Variants in EXOC4 observed in about 807,000 individuals in gnomAD.
EXOC4 encodes SEC8-like 1.
Under a neutral mutation model 107.2 loss-of-function variants are expected in EXOC4, and 71 were observed. The ratio of observed to expected loss-of-function variants is 0.66; its 90% CI spans 0.55 to 0.81. The LOEUF (loss-of-function observed/expected upper bound fraction) is 0.81. Ranked by LOEUF, EXOC4 falls within the 30% of genes least tolerant of loss-of-function variation. The pLI is 0.00. For synonymous variants in EXOC4, 456 were observed against 441.2 expected (o/e 1.03, Z -0.42); for missense variants, 1,108 against 1,189.6 (o/e 0.93, Z 1.01).
intron 7 of EXOC4, among the ~76,000 whole-genome samples, chr7:133,425,348 C>T (rs949601753): frequency 7.2e-5 from 11 of 152,212 alleles, no homozygotes; most frequent in Non-Finnish European, 8.8e-5. Flanking sequence ...AGTGCAATGG[C>T]GCAATCTTGG....
chr7:133,944,542 C>G (rs1302395809), intron 14 of EXOC4, among the ~76,000 whole-genome samples: 1 of 152,114 alleles, frequency 6.6e-6, no homozygotes, highest in Admixed American at 6.5e-5. Context: ...GACTTTGTGC[C>G]TCCAATTTGT....
At chr7:134,072,601 G>C in the EXOC4 span, among the ~76,000 whole-genome samples, 3 of 152,150 alleles carry the variant, frequency 2.0e-5, no homozygotes, top group African/African-American at 4.8e-5. Flanking sequence ...TGCTTAAACT[G>C]TTCGCTATGC....
chr7:133,597,193 T>C (rs1801693796), intron 9 of EXOC4, among the ~76,000 whole-genome samples: 1 of 152,192 alleles, frequency 6.6e-6, no homozygotes, highest in African/African-American at 2.4e-5. Flanking sequence ...CTCTACAAGA[T>C]GGACCTTTCC....
Position 133,633,418 on chromosome 7 carries a change from C to T in EXOC4, c.1514+3277C>T, listed in dbSNP as rs192046999. 4.6e-5 allele frequency among the ~76,000 whole-genome samples: 7 copies of T among 152,124 alleles called. No homozygotes were observed. In the East Asian group the frequency reaches 1.4e-3, roughly 29 times the overall value. ...ATTATTCTATATTTATAACTTAGCT[C>T]ATATTAAAAAATAAGTTTGGCTGGG... On this transcript the variant is annotated intron_variant, in intron 10 of 17. Coordinates refer to ENST00000253861, the MANE Select transcript of EXOC4 (RefSeq NM_021807.4).
chr7:133,553,207 T>C (rs1374377217), intron 9 of EXOC4, among the ~76,000 whole-genome samples: 2 of 152,202 alleles, frequency 1.3e-5, no homozygotes, highest in African/African-American at 4.8e-5. Flanking sequence ...GTGATATACA[T>C]ATAAAGGGTA....
chr7:133,515,040 A>C (rs1041113002), intron 9 of EXOC4, among the ~76,000 whole-genome samples: 1 of 152,174 alleles, frequency 6.6e-6, no homozygotes, highest in Non-Finnish European at 1.5e-5. Context: ...TTAATGTCAA[A>C]ATAACAATTT....
intron 10 of EXOC4, among the ~76,000 whole-genome samples, chr7:133,764,357 C>G (rs924029849): frequency 6.6e-6 from 1 of 151,974 alleles, no homozygotes; most frequent in Non-Finnish European, 1.5e-5. Flanking sequence ...TAATCCAAAT[C>G]GTCAAAATAT....
At chr7:134,091,984 A>G in the EXOC4 span, among the ~76,000 whole-genome samples, 1 of 152,200 alleles carries the variant, frequency 6.6e-6, no homozygotes, top group Non-Finnish European at 1.5e-5. Flanking sequence ...TCCCCAATAT[A>G]TCTCTTTATA....
intron 10 of EXOC4, among the ~76,000 whole-genome samples, chr7:133,782,352 A>T (rs1302688664): frequency 1.3e-5 from 2 of 152,194 alleles, no homozygotes; most frequent in African/African-American, 4.8e-5. Flanking sequence ...TTGGTTTTAT[A>T]AAGTTCTTGG....
intron 7 of EXOC4, among the ~76,000 whole-genome samples, chr7:133,437,435 C>T (rs191420053): frequency 3.3e-5 from 5 of 152,124 alleles, no homozygotes; most frequent in Non-Finnish European, 7.4e-5. Flanking sequence ...ATCTGGTGAT[C>T]ACTTACTATT....
At chr7:133,763,754 G>A (rs1796081408) in intron 10 of EXOC4, among the ~76,000 whole-genome samples, 1 of 151,506 alleles carries the variant, frequency 6.6e-6, no homozygotes, top group African/African-American at 2.4e-5. Context: ...GGAAATTATA[G>A]TTTTTGTTTT....
At chr7:134,032,665 A>G (rs948855717) in intron 17 of EXOC4, among the ~76,000 whole-genome samples, 1 of 152,170 alleles carries the variant, frequency 6.6e-6, no homozygotes, top group African/African-American at 2.4e-5. Context: ...TGGGGACTCA[A>G]AAAATTCTGT....
chr7:134,091,153 A>G, the EXOC4 span, among the ~76,000 whole-genome samples: 1 of 152,144 alleles, frequency 6.6e-6, no homozygotes, highest in Non-Finnish European at 1.5e-5. Flanking sequence ...AAATTCAGGG[A>G]GAGTCCACAG....
At chr7:133,384,035 T>C (rs1796674316) in intron 7 of EXOC4, among the ~76,000 whole-genome samples, 1 of 152,176 alleles carries the variant, frequency 6.6e-6, no homozygotes, top group African/African-American at 2.4e-5. Flanking sequence ...GGACTCTCCC[T>C]GTGTTGTTTT....
At chr7:133,806,701 C>T (rs756218720) in intron 10 of EXOC4, among the ~76,000 whole-genome samples, 2 of 152,066 alleles carry the variant, frequency 1.3e-5, no homozygotes, top group Non-Finnish European at 2.9e-5. Flanking sequence ...TGTTGGATAG[C>T]GTGATGAAGT....
At chr7:133,859,633 A>G (rs1798490739) in intron 11 of EXOC4, among the ~76,000 whole-genome samples, 1 of 152,186 alleles carries the variant, frequency 6.6e-6, no homozygotes, top group South Asian at 2.1e-4. Flanking sequence ...CTTTCATGCC[A>G]TCCTTGAACA....
intron 6 of EXOC4, among the ~76,000 whole-genome samples, chr7:133,369,871 A>ATTTCGCAG (rs1468834205): frequency 1.4e-5 from 2 of 144,616 alleles, no homozygotes; most frequent in Admixed American, 7.1e-5. Context: ...CAATGGCGCA[A>ATTTCGCAG]TTTGGCTCAC....
intron 10 of EXOC4, among the ~76,000 whole-genome samples, chr7:133,750,736 T>G (rs933890001): frequency 3.3e-5 from 5 of 152,056 alleles, no homozygotes; most frequent in Non-Finnish European, 5.9e-5. Flanking sequence ...CACACCACCA[T>G]GCCCAAATAA....
At chr7:133,723,708 C>A (rs966474249) in intron 10 of EXOC4, among the ~76,000 whole-genome samples, 1 of 152,120 alleles carries the variant, frequency 6.6e-6, no homozygotes, top group Non-Finnish European at 1.5e-5. Flanking sequence ...TTGGGCTGTA[C>A]TTAGACTCCT....
Sources: gnomAD v4.1 joint callset for allele counts (sites outside exome capture counted in the v4.1 genomes callset) on GRCh38, gnomAD v4.1.1 for gene constraint, MANE v1.5 for transcripts, NCBI Gene and HGNC (gene_info 2026-07-23, HGNC 2026-07-21) for gene names.